TTC27: variants seen among roughly 807,000 people sequenced by gnomAD.
TTC27 encodes tetratricopeptide repeat domain 27, also known as tetratricopeptide repeat protein 27.
Under a neutral mutation model 115.9 loss-of-function variants are expected in TTC27, and 79 were observed. The observed-to-expected ratio is 0.68, with a 90% CI of 0.57 to 0.82. The LOEUF (loss-of-function observed/expected upper bound fraction) is 0.82. Ranked by LOEUF, TTC27 falls within the 40% of genes least tolerant of loss-of-function variation. TTC27 has a pLI of 0.00. For missense variants in TTC27, 1,054 were observed against 993.1 expected (o/e 1.06, Z -0.82); for synonymous variants, 401 against 356.0 (o/e 1.13, Z -1.42).
chr2:32,679,236 C>T (rs1339366147), intron 9 of TTC27, among the ~76,000 whole-genome samples: 1 of 152,086 alleles, frequency 6.6e-6, no homozygotes, highest in Non-Finnish European at 1.5e-5. Flanking sequence ...TAGAGCAGTC[C>T]GGAGATAAAT....
chr2:32,815,926 T>C (rs1030227083), intron 18 of TTC27, among the ~76,000 whole-genome samples: 1 of 152,224 alleles, frequency 6.6e-6, no homozygotes, highest in African/African-American at 2.4e-5. Flanking sequence ...ATGTCAAACC[T>C]AGTTCTTGCT....
In TTC27 at chr2:32,820,834, G is replaced by A. The variant is rs1233886091; in HGVS notation, c.2428G>A (p.Ala810Thr). The A allele has an allele frequency of 3.3e-5, 51 of 1,535,632 alleles. No homozygotes were observed. Among genetic ancestry groups the A allele is most frequent in the Non-Finnish European group, 4.3e-5 (49 of 1,136,988 alleles). ...ATTACAGCAACTTTTTACAGATGTG[G>A]CAACTGGAGAAATGTCCAGGGAATT... ...SKAKQLFTDV[A>T]TGEMSRELAD... Residue 810 changes from alanine to threonine, a missense_variant, in exon 20 of 20, where the codon GCA becomes ACA. Physicochemically the swap from Ala to Thr is moderately conservative, Grantham distance 58. Transcript: ENST00000317907.
chr2:32,642,313 G>A (rs926251123), intron 4 of TTC27, among the ~76,000 whole-genome samples: 5 of 137,170 alleles, frequency 3.6e-5, no homozygotes, highest in Non-Finnish European at 6.1e-5. Context: ...GTATAGTAGT[G>A]TGATCTCGGC....
chr2:32,757,491 CT>C (rs1386785988), intron 12 of TTC27, among the ~76,000 whole-genome samples: 1 of 152,134 alleles, frequency 6.6e-6, no homozygotes, highest in Non-Finnish European at 1.5e-5. Flanking sequence ...TTTATAGCAC[CT>C]CACAGATACG....
chr2:32,764,346 G>A (rs542240294), intron 13 of TTC27, among the ~76,000 whole-genome samples: 1 of 152,188 alleles, frequency 6.6e-6, no homozygotes, highest in South Asian at 2.1e-4. Context: ...GGCACATAAA[G>A]GTTGAGTTTA....
At chr2:32,656,282 G>A (rs76853755) in intron 5 of TTC27, among the ~76,000 whole-genome samples, 4,091 of 152,240 alleles carry the variant, frequency 0.027, 167 homozygotes, top group African/African-American at 0.094. Context: ...AGGACAAACA[G>A]GTAATGCAGA....
chr2:32,765,998 G>A (rs890250320), intron 13 of TTC27, among the ~76,000 whole-genome samples: 3 of 152,048 alleles, frequency 2.0e-5, no homozygotes, highest in East Asian at 1.9e-4. Flanking sequence ...AGGCCATTTC[G>A]CTTTCTTATC....
At chr2:32,812,689 A>G (rs1372905850) in intron 18 of TTC27, 74 bp downstream of exon 18, 2 of 1,102,688 alleles carry the variant, frequency 1.8e-6, no homozygotes, top group Non-Finnish European at 2.8e-6. Context: ...GTGTTGGTCA[A>G]AAGTAAAGTT....
At chr2:32,713,737 A>G (rs1428091288) in intron 10 of TTC27, among the ~76,000 whole-genome samples, 1 of 152,190 alleles carries the variant, frequency 6.6e-6, no homozygotes, top group African/African-American at 2.4e-5. Flanking sequence ...CACAATTTTT[A>G]AATGACTTTT....
intron 19 of TTC27, among the ~76,000 whole-genome samples, chr2:32,820,075 G>A (rs1322873260): frequency 6.6e-6 from 1 of 152,216 alleles, no homozygotes; most frequent in Non-Finnish European, 1.5e-5. Context: ...GTCAAATCCA[G>A]TGAAACAGAT....
At chr2:32,730,587 G>A (rs1417047880) in intron 10 of TTC27, among the ~76,000 whole-genome samples, 5 of 150,536 alleles carry the variant, frequency 3.3e-5, no homozygotes, top group African/African-American at 1.2e-4. Context: ...AGAGGAAGTA[G>A]GCAAATAAAC....
intron 13 of TTC27, among the ~76,000 whole-genome samples, chr2:32,768,344 G>A (rs1419966982): frequency 4.6e-5 from 7 of 152,182 alleles, no homozygotes; most frequent in Admixed American, 4.6e-4. Context: ...ACAGTTTGTT[G>A]GTTGATAAAT....
chr2:32,801,375 T>C (rs1009841489), intron 16 of TTC27, among the ~76,000 whole-genome samples: 2 of 152,192 alleles, frequency 1.3e-5, no homozygotes, highest in Non-Finnish European at 2.9e-5. Context: ...TTCCAGCTTC[T>C]TGTGGCTCCT....
chr2:32,755,220 G>A (rs1430205416), intron 12 of TTC27, among the ~76,000 whole-genome samples: 1 of 152,224 alleles, frequency 6.6e-6, no homozygotes, highest in Non-Finnish European at 1.5e-5. Flanking sequence ...ACTTTGGGAG[G>A]CCAAGGCAGG....
Position 32,672,365 on chromosome 2 carries a change from G to A in TTC27, c.1033G>A (p.Ala345Thr), listed in dbSNP as rs201723423. 47 of 1,612,948 alleles carry A rather than the reference G, an allele frequency of 2.9e-5. No individual in the cohort carries two copies. In the Admixed American group the frequency reaches 3.5e-4, roughly 12 times the overall value. ...QMPDLCAEEI[A>T]IILGICTNFQ... ...GCCGGATCTGTGTGCTGAAGAGATC[G>A]CTATTATTCTTGGAATCTGGTGAGT... is the stretch of plus-strand genomic sequence containing the variant. Residue 345 changes from alanine (A) to threonine (T), a missense_variant, in exon 8 of 20, where the codon GCT (alanine) becomes ACT (threonine). Transcript: ENST00000317907.
intron 13 of TTC27, among the ~76,000 whole-genome samples, chr2:32,776,031 G>T (rs1033481473): frequency 3.3e-5 from 5 of 152,124 alleles, no homozygotes; most frequent in African/African-American, 4.8e-5. Flanking sequence ...GTTGTTGAAA[G>T]TTCCATGATT....
chr2:32,691,738 T>C (rs1258890557), intron 9 of TTC27, among the ~76,000 whole-genome samples: 1 of 88,706 alleles, frequency 1.1e-5, no homozygotes, highest in Non-Finnish European at 2.8e-5. Context: ...CTAGAGTTTA[T>C]TTCACATTCA....
chr2:32,738,426 T>C (rs1481588682), intron 12 of TTC27, among the ~76,000 whole-genome samples: 1 of 152,252 alleles, frequency 6.6e-6, no homozygotes, highest in Non-Finnish European at 1.5e-5. Flanking sequence ...TTCTACGAGA[T>C]GTTTTTTCTT....
chr2:32,710,893 C>T (rs1176731297), intron 10 of TTC27, among the ~76,000 whole-genome samples: 1 of 151,452 alleles, frequency 6.6e-6, no homozygotes, highest in Admixed American at 6.6e-5. Flanking sequence ...GCATTTGGAT[C>T]ACTTGAGGTT....
Sources: gnomAD v4.1 joint callset for allele counts (sites outside exome capture counted in the v4.1 genomes callset) on GRCh38, gnomAD v4.1.1 for gene constraint, MANE v1.5 for transcripts, NCBI Gene and HGNC (gene_info 2026-07-23, HGNC 2026-07-21) for gene names.